Variants in RIMS1 observed in about 807,000 individuals in gnomAD.
RIMS1 encodes regulating synaptic membrane exocytosis protein 1.
Under a neutral mutation model 214.1 loss-of-function variants are expected in RIMS1, and 83 were observed. That is an observed-to-expected ratio of 0.39 (90% CI 0.32 to 0.47). The LOEUF (loss-of-function observed/expected upper bound fraction) is 0.47. Among genes scored for constraint, RIMS1 ranks in the 20% least tolerant of loss-of-function variants. The pLI is 0.99. For synonymous variants in RIMS1, 793 were observed against 786.8 expected (o/e 1.01, Z -0.13); for missense variants, 2,050 against 2,161.8 (o/e 0.95, Z 1.03).
intron 28 of RIMS1, among the ~76,000 whole-genome samples, chr6:72,326,356 T>C (rs747402779): frequency 1.3e-5 from 2 of 151,828 alleles, no homozygotes; most frequent in Non-Finnish European, 2.9e-5. Context: ...CCTCCTTACA[T>C]TGTAATAATG....
intron 29 of RIMS1, among the ~76,000 whole-genome samples, chr6:72,358,328 A>C (rs540005225): frequency 2.0e-5 from 3 of 152,320 alleles, no homozygotes; most frequent in East Asian, 3.9e-4. Flanking sequence ...GAAACATTTC[A>C]ATGAGTATTT....
chr6:71,922,560 A>G lies in RIMS1; in HGVS notation c.164+35373A>G, dbSNP rs551318983. 1.2e-3 allele frequency among the ~76,000 whole-genome samples: 188 copies of G among 152,318 alleles called. 1 individual carries two copies. Among genetic ancestry groups the G allele is most frequent in the Non-Finnish European group, 6.5e-4 (44 of 68,028 alleles). Reference sequence around the variant, plus strand: ...GTCTCAAAGACAAAACAAAACAAAAACCAGAATGTTTTCAAGGTCCATCTA... The same window carrying G: ...GTCTCAAAGACAAAACAAAACAAAAGCCAGAATGTTTTCAAGGTCCATCTA... On this transcript the variant is annotated intron_variant, in intron 1 of 33. Transcript: ENST00000521978.
chr6:72,206,619 TATC>T lies in RIMS1; in HGVS notation c.1678+23473_1678+23475del, dbSNP rs375820386. 2.0e-4 allele frequency among the ~76,000 whole-genome samples: 31 copies of T among 152,352 alleles called. No individual in the cohort carries two copies. In the East Asian group the frequency reaches 5.2e-3, roughly 26 times the overall value. ...GGGTAGTAAGAAGCCATTAGTTTGT[TATC>T]ATTTCTTGAATGATATTCTAGTTGC... On this transcript the variant is annotated intron_variant, in intron 6 of 33. Transcript: ENST00000521978.
chr6:72,397,012 C>CAAATAAATAAAT (rs530605359), intron 31 of RIMS1, among the ~76,000 whole-genome samples: 31 of 151,326 alleles, frequency 2.0e-4, no homozygotes, highest in Admixed American at 5.9e-4. Flanking sequence ...GCCTCTGTCT[C>CAAATAAATAAAT]AAATAAATAA....
intron 6 of RIMS1, among the ~76,000 whole-genome samples, chr6:72,218,441 C>A (rs2057167958): frequency 1.3e-5 from 2 of 152,124 alleles, no homozygotes; most frequent in South Asian, 4.1e-4. Flanking sequence ...AGCTCAAAAT[C>A]CAAAGGGTCA....
At chr6:72,232,675 T>C (rs2062451290) in intron 6 of RIMS1, among the ~76,000 whole-genome samples, 1 of 151,788 alleles carries the variant, frequency 6.6e-6, no homozygotes, top group African/African-American at 2.4e-5. Flanking sequence ...GTAGTACCTG[T>C]ATAAATAACG....
At chr6:72,153,606 G>A (rs1171078146) in intron 4 of RIMS1, among the ~76,000 whole-genome samples, 1 of 152,028 alleles carries the variant, frequency 6.6e-6, no homozygotes, top group East Asian at 1.9e-4. Flanking sequence ...GGACATTACT[G>A]CATTATATAA....
intron 29 of RIMS1, among the ~76,000 whole-genome samples, chr6:72,347,883 A>G (rs961152907): frequency 6.6e-6 from 1 of 151,922 alleles, no homozygotes; most frequent in African/African-American, 2.4e-5. Context: ...GGTGCTGTTT[A>G]CATCTGTAGA....
At chr6:72,287,056 C>A (rs1248423740) in intron 24 of RIMS1, among the ~76,000 whole-genome samples, 1 of 152,174 alleles carries the variant, frequency 6.6e-6, no homozygotes, top group Non-Finnish European at 1.5e-5. Flanking sequence ...TTTTCATCTT[C>A]ATGTGAATTC....
intron 29 of RIMS1, among the ~76,000 whole-genome samples, chr6:72,361,400 C>T (rs112499811): frequency 0.012 from 1,800 of 152,066 alleles, 17 homozygotes; most frequent in African/African-American, 0.027. Context: ...GCCACTGCAC[C>T]GGCTGCTATT....
intron 2 of RIMS1, among the ~76,000 whole-genome samples, chr6:72,074,694 TG>T (rs1831364671): frequency 6.6e-6 from 1 of 151,998 alleles, no homozygotes; most frequent in African/African-American, 2.4e-5. Context: ...CATATTAGAG[TG>T]AAACATTGTG....
At chr6:72,091,000 A>T (rs1836077858) in intron 2 of RIMS1, among the ~76,000 whole-genome samples, 1 of 152,194 alleles carries the variant, frequency 6.6e-6, no homozygotes, top group South Asian at 2.1e-4. Flanking sequence ...AGGTTGACGA[A>T]GGGAACGCGT....
chr6:71,953,848 C>T (rs562919142), intron 1 of RIMS1, among the ~76,000 whole-genome samples: 4 of 152,266 alleles, frequency 2.6e-5, no homozygotes, highest in African/African-American at 7.2e-5. Flanking sequence ...AATAAGGATG[C>T]GAGAATTACA....
chr6:72,104,763 G>A (rs1587040124), intron 4 of RIMS1, among the ~76,000 whole-genome samples: 1 of 152,186 alleles, frequency 6.6e-6, no homozygotes, highest in East Asian at 1.9e-4. Context: ...ATACACTTCA[G>A]ACAATTTTCA....
chr6:71,947,853 C>A (rs1022281215), intron 1 of RIMS1, among the ~76,000 whole-genome samples: 1 of 151,928 alleles, frequency 6.6e-6, no homozygotes, highest in Non-Finnish European at 1.5e-5. Flanking sequence ...CATATACATA[C>A]ACATATATAT....
chr6:72,299,755 A>T (rs2094443445), intron 26 of RIMS1, among the ~76,000 whole-genome samples: 1 of 151,912 alleles, frequency 6.6e-6, no homozygotes, highest in African/African-American at 2.4e-5. Flanking sequence ...ACATTTCAAT[A>T]GCGTACTGTG....
At chr6:71,989,372 A>G (rs929022643) in intron 2 of RIMS1, among the ~76,000 whole-genome samples, 3 of 152,152 alleles carry the variant, frequency 2.0e-5, no homozygotes, top group East Asian at 3.9e-4. Flanking sequence ...CATCTCCCCT[A>G]TCCTTTGGAA....
intron 4 of RIMS1, among the ~76,000 whole-genome samples, chr6:72,163,186 AG>A (rs1283252377): frequency 2.9e-5 from 4 of 139,690 alleles, no homozygotes; most frequent in Non-Finnish European, 4.9e-5. Flanking sequence ...TCGGCTACTG[AG>A]GCTTCTGCAT....
chr6:72,182,576 C>T lies in RIMS1; in HGVS notation c.1105C>T (p.Pro369Ser), dbSNP rs2048532081. ...PNLARYPVKPPPEEQQMRMHA... is the reference protein window; with the variant it reads ...PNLARYPVKPSPEEQQMRMHA... Reference sequence around the variant, plus strand: ...CCTAGCTCGGTACCCGGTGAAACCGCCGCCTGAGGAGCAGCAGATGCGCAT... The same window carrying T: ...CCTAGCTCGGTACCCGGTGAAACCGTCGCCTGAGGAGCAGCAGATGCGCAT... Residue 369 changes from proline to serine, a missense_variant, in exon 6 of 34, where the codon CCG becomes TCG. Coordinates refer to ENST00000521978, the MANE Select transcript of RIMS1 (RefSeq NM_014989.7). 1 of 1,549,644 alleles carries T rather than the reference C, an allele frequency of 6.5e-7. No individual in the cohort carries two copies. The highest frequency in any genetic ancestry group is 2.4e-5 in the East Asian group (1 of 40,906).
Sources: gnomAD v4.1 joint callset for allele counts (sites outside exome capture counted in the v4.1 genomes callset) on GRCh38, gnomAD v4.1.1 for gene constraint, MANE v1.5 for transcripts, NCBI Gene and HGNC (gene_info 2026-07-23, HGNC 2026-07-21) for gene names.